DYNC2H1: variants seen among roughly 807,000 people sequenced by gnomAD.
DYNC2H1 encodes dynein cytoplasmic 2 heavy chain 1.
Under a neutral mutation model 570.0 loss-of-function variants are expected in DYNC2H1, and 410 were observed. The observed-to-expected ratio is 0.72, with a 90% CI of 0.66 to 0.78. The LOEUF (loss-of-function observed/expected upper bound fraction) is 0.78. DYNC2H1 is among the 30% of genes least tolerant of loss of function. The probability of loss-of-function intolerance (pLI) is 0.00; values close to 1 mark genes in which losing one functional copy is unlikely to be tolerated. For missense variants in DYNC2H1, 4,865 were observed against 5,046.4 expected (o/e 0.96, Z 1.09); for synonymous variants, 1,688 against 1,677.6 (o/e 1.01, Z -0.15).
intron 17 of DYNC2H1, among the ~76,000 whole-genome samples, chr11:103,142,201 A>G (rs886886361): frequency 1.4e-4 from 22 of 152,328 alleles, no homozygotes; most frequent in African/African-American, 4.8e-4. Flanking sequence ...CTCACGCACG[A>G]TGCGCTGCAC....
At chr11:103,330,243 A>T (rs1476727611) in intron 82 of DYNC2H1, among the ~76,000 whole-genome samples, 1 of 152,236 alleles carries the variant, frequency 6.6e-6, no homozygotes, top group Admixed American at 6.5e-5. Context: ...CTGAATAAAT[A>T]TATGTACTTT....
At chr11:103,119,193 T>C (rs1858569013) in intron 6 of DYNC2H1, among the ~76,000 whole-genome samples, 1 of 152,200 alleles carries the variant, frequency 6.6e-6, no homozygotes, top group Non-Finnish European at 1.5e-5. Context: ...TTTGATAGTG[T>C]CATTATGAAC....
At chr11:103,336,312 C>T (rs1297044745) in intron 82 of DYNC2H1, among the ~76,000 whole-genome samples, 1 of 152,134 alleles carries the variant, frequency 6.6e-6, no homozygotes, top group African/African-American at 2.4e-5. Flanking sequence ...ATCTACTTCT[C>T]TAGTTATTTT....
chr11:103,372,934 A>G lies in DYNC2H1; in HGVS notation c.12156+14575A>G, dbSNP rs539702203. ...TCCACACTTGTTATTGGTTTGTTCA[A>G]TTGTGTGTGTGTGTGTATGTGTGTT... On this transcript the variant is annotated intron_variant, in intron 83 of 88. Coordinates refer to ENST00000375735, the MANE Select transcript of DYNC2H1 (RefSeq NM_001377.3). Among the ~76,000 whole-genome samples, 97 of 151,806 alleles carry G rather than the reference A, an allele frequency of 6.4e-4. 1 individual carries two copies. Among genetic ancestry groups the G allele is most frequent in the African/African-American group, 2.0e-3 (83 of 41,414 alleles).
At chr11:103,475,936 T>C (rs1465288370) in intron 88 of DYNC2H1, among the ~76,000 whole-genome samples, 1 of 152,178 alleles carries the variant, frequency 6.6e-6, no homozygotes, top group Non-Finnish European at 1.5e-5. Context: ...GTTTTGATCA[T>C]AGAAGTAATG....
intron 84 of DYNC2H1, among the ~76,000 whole-genome samples, chr11:103,416,822 CTA>C (rs1217800677): frequency 6.6e-6 from 1 of 152,070 alleles, no homozygotes. Flanking sequence ...GCAAAAGAAA[CTA>C]TCATCAGAGT....
intron 83 of DYNC2H1, among the ~76,000 whole-genome samples, chr11:103,380,643 C>A (rs1941606078): frequency 6.6e-6 from 1 of 152,144 alleles, no homozygotes; most frequent in African/African-American, 2.4e-5. Flanking sequence ...TCACTGGAAC[C>A]TCTGCCTCTC....
intron 75 of DYNC2H1, among the ~76,000 whole-genome samples, chr11:103,302,081 G>A (rs888898882): frequency 6.6e-6 from 1 of 151,966 alleles, no homozygotes; most frequent in Non-Finnish European, 1.5e-5. Context: ...TAGCAGAAGA[G>A]ATTTAAATAT....
intron 78 of DYNC2H1, among the ~76,000 whole-genome samples, chr11:103,308,288 T>C (rs570272126): frequency 6.6e-6 from 1 of 152,334 alleles, no homozygotes; most frequent in East Asian, 1.9e-4. Context: ...GTTATTTCAC[T>C]TAACATAATG....
At chr11:103,304,510 T>C in intron 76 of DYNC2H1, 85 bp from the exon 77 acceptor site, 1 of 1,401,982 alleles carries the variant, frequency 7.1e-7, no homozygotes. Context: ...GGTTTAGGGA[T>C]TACTATTATT....
rs1945181624 is a variant in DYNC2H1 at position 103,465,914 on chromosome 11, G to A, written c.12649-2675G>A. On this transcript the variant is annotated intron_variant, in intron 87 of 88. Transcript: ENST00000375735. The surrounding 1 kb of genome is among the most constrained non-coding windows in gnomAD (Gnocchi z 4.9). Reference sequence around the variant, plus strand: ...TAAAAGACCAGCCCAAGTTCAAGGGGTAGAAAAGAAACTCCACGTCCTGAA... The same window carrying A: ...TAAAAGACCAGCCCAAGTTCAAGGGATAGAAAAGAAACTCCACGTCCTGAA... Among the ~76,000 whole-genome samples the A allele has an allele frequency of 6.6e-6, 1 of 152,156 alleles. No homozygotes were observed.
Position 103,156,759 on chromosome 11 carries a change from TGAA to T in DYNC2H1, c.4119_4121del (p.Glu1373del). 1 of 1,608,642 alleles carries T rather than the reference TGAA, an allele frequency of 6.2e-7. No individual in the cohort carries two copies. Among genetic ancestry groups the T allele is most frequent in the Non-Finnish European group, 8.5e-7 (1 of 1,178,744 alleles). ...AACAGACACGCTTCAACAGAGTTGA[TGAA>T]GATTTTAGGTCAGTACAATGATGTA... is the stretch of plus-strand genomic sequence containing the variant. On this transcript the variant is annotated inframe_deletion, in exon 26 of 89. Coordinates refer to ENST00000375735, the MANE Select transcript of DYNC2H1 (RefSeq NM_001377.3).
In DYNC2H1 at chr11:103,133,707, G is replaced by T; in HGVS notation, c.2106G>T (p.Lys702Asn). The T allele has an allele frequency of 6.3e-7, 1 of 1,586,208 alleles. No individual in the cohort carries two copies. Among genetic ancestry groups the T allele is most frequent in the Non-Finnish European group, 8.6e-7 (1 of 1,166,678 alleles). ...LRKWHTTFCEKVVVLMNIDLL... is the reference protein window; with the variant it reads ...LRKWHTTFCENVVVLMNIDLL... ...AATGGCACACTACATTTTGTGAAAA[G>T]GTATATTTTGTTTATAAAATTGAAT... The change falls in exon 14 of 89, where the codon AAG becomes AAT. Residue 702 changes from lysine (K) to asparagine (N), a missense_variant and splice_region_variant. Lys to Asn is a moderately conservative substitution (Grantham distance 94). Coordinates refer to ENST00000375735, the MANE Select transcript of DYNC2H1 (RefSeq NM_001377.3). The surrounding 1 kb of genome is among the most constrained non-coding windows in gnomAD (Gnocchi z 4.8).
chr11:103,451,483 C>A (rs187461881), intron 85 of DYNC2H1, among the ~76,000 whole-genome samples: 1 of 152,082 alleles, frequency 6.6e-6, no homozygotes, highest in Non-Finnish European at 1.5e-5. Context: ...CAGGCGCGTG[C>A]CACCACGCCT....
In DYNC2H1 at chr11:103,299,461, C is replaced by G. The variant is rs1331308014; in HGVS notation, c.11096-3632C>G. On this transcript the variant is annotated intron_variant, in intron 75 of 88. Transcript: ENST00000375735. The surrounding 1 kb of genome is among the most constrained non-coding windows in gnomAD (Gnocchi z 4.5). ...CCCTGGGGAAAATCCACTTCCAAAC[C>G]CATTCAGGTTCAGCCCTATTCAGTT... 2.6e-5 allele frequency among the ~76,000 whole-genome samples: 4 copies of G among 152,080 alleles called. No homozygotes were observed. Among genetic ancestry groups the G allele is most frequent in the African/African-American group, 9.7e-5 (4 of 41,424 alleles).
Position 103,201,117 on chromosome 11 carries a change from G to A in DYNC2H1, c.8197+963G>A, listed in dbSNP as rs35351073. On this transcript the variant is annotated intron_variant, in intron 50 of 88. Transcript: ENST00000375735. This position sits in a 1 kb window ranked among gnomAD's most constrained non-coding sequence, Gnocchi z 4.8. The stretch of plus-strand genomic sequence containing the variant: ...GCTGGGATTACAGATGTGAGCCACC[G>A]CGTCTGGCCAGTAATCTTGTTTTTT... Among the ~76,000 whole-genome samples the A allele has an allele frequency of 0.016, 2,412 of 152,176 alleles. 32 individuals carry two copies. The highest frequency in any genetic ancestry group is 0.023 in the Non-Finnish European group (1,580 of 68,010).
chr11:103,387,059 C>T (rs1251985723), intron 83 of DYNC2H1, among the ~76,000 whole-genome samples: 1 of 152,066 alleles, frequency 6.6e-6, no homozygotes, highest in Non-Finnish European at 1.5e-5. Flanking sequence ...AGTTCTAGAT[C>T]CCTGAGGAAT....
intron 63 of DYNC2H1, among the ~76,000 whole-genome samples, chr11:103,242,274 A>C (rs766959801): frequency 6.6e-4 from 100 of 152,314 alleles, no homozygotes; most frequent in Middle Eastern, 3.4e-3. Context: ...TAAGTTACAC[A>C]CAGTAAGAGA....
rs1864410500 is a variant in DYNC2H1 at position 103,241,190 on chromosome 11, T to C, written c.9820-2503T>C. Among the ~76,000 whole-genome samples, 1 of 152,138 alleles carries C rather than the reference T, an allele frequency of 6.6e-6. No homozygotes were observed. The highest frequency in any genetic ancestry group is 1.5e-5 in the Non-Finnish European group (1 of 68,030). ...TTTTGCATCTTTATTGCCTGTAAAGTTATTGAGGTTAAGGGAATGTATTTT... is the reference window on the plus strand; with the variant it reads ...TTTTGCATCTTTATTGCCTGTAAAGCTATTGAGGTTAAGGGAATGTATTTT... On this transcript the variant is annotated intron_variant, in intron 63 of 88. Coordinates refer to ENST00000375735, the MANE Select transcript of DYNC2H1 (RefSeq NM_001377.3). This position sits in a 1 kb window ranked among gnomAD's most constrained non-coding sequence, Gnocchi z 5.1.
Sources: allele counts gnomAD v4.1 joint callset (sites outside exome capture counted in the v4.1 genomes callset), GRCh38; gene constraint gnomAD v4.1.1; non-coding constraint Gnocchi (gnomAD v3.1); transcripts MANE v1.5; gene names NCBI Gene and HGNC (gene_info 2026-07-23, HGNC 2026-07-21).